Variants in GRID1 observed in about 807,000 individuals in gnomAD.
GRID1 encodes glutamate ionotropic receptor delta type subunit 1.
Under a neutral mutation model 98.0 loss-of-function variants are expected in GRID1, and 28 were observed. That is an observed-to-expected ratio of 0.29 (90% CI 0.21 to 0.39). GRID1 has a LOEUF of 0.39. Among genes scored for constraint, GRID1 ranks in the 10% least tolerant of loss-of-function variants. GRID1 has a pLI of 1.00. For missense variants in GRID1, 1,111 were observed against 1,340.5 expected, an observed-to-expected ratio of 0.83 and a Z score of 2.67; for synonymous variants, 553 against 538.5, an observed-to-expected ratio of 1.03 and a Z score of -0.37.
intron 3 of GRID1, among the ~76,000 whole-genome samples, chr10:86,165,722 A>G (rs1845389209): frequency 6.6e-6 from 1 of 152,130 alleles, no homozygotes; most frequent in Non-Finnish European, 1.5e-5. Flanking sequence ...CTGTTTTCCC[A>G]AATTTTAAGT....
rs1015572069 is a variant in GRID1, at chr10:86,365,934, G to A, written c.79+380C>T. 2.0e-5 allele frequency among the ~76,000 whole-genome samples: 3 copies of A among 149,398 alleles called. No homozygotes were observed. Among genetic ancestry groups the A allele is most frequent in the Non-Finnish European group, 4.5e-5 (3 of 67,134 alleles). Reference sequence around the variant, plus strand: ...TTTGATCTTGCCCTGCCAACTTGGCGAGCCCCCCGCTGTACCTCCCCCTGC... The same window carrying A: ...TTTGATCTTGCCCTGCCAACTTGGCAAGCCCCCCGCTGTACCTCCCCCTGC... On this transcript the variant is annotated intron_variant, in intron 1 of 15. Transcript: ENST00000327946. The surrounding 1 kb of genome is among the most constrained non-coding windows in gnomAD (Gnocchi z 4.8).
At position 85,781,981 on chromosome 10, in the gene GRID1, A is replaced by T. The variant is rs552209217; in HGVS notation, c.1234-52367T>A. 5.9e-5 allele frequency among the ~76,000 whole-genome samples: 9 copies of T among 152,340 alleles called. No homozygotes were observed. In the South Asian group the frequency reaches 1.9e-3, roughly 32 times the overall value. On this transcript the variant is annotated intron_variant, in intron 8 of 15. Transcript: ENST00000327946. ...GGCCAGGAATTCTCAACAGTTTAAC[A>T]TTGGTTTGATCTATTTTTGTTAGTC... is the stretch of plus-strand genomic sequence containing the variant.
chr10:85,894,484 T>C (rs1841254189), intron 5 of GRID1, among the ~76,000 whole-genome samples: 1 of 152,050 alleles, frequency 6.6e-6, no homozygotes, highest in African/African-American at 2.4e-5. Context: ...TGAGATTAGG[T>C]AGAGGTAGAA....
chr10:86,331,449 G>C (rs941997926), intron 2 of GRID1, among the ~76,000 whole-genome samples: 1 of 152,196 alleles, frequency 6.6e-6, no homozygotes, highest in African/African-American at 2.4e-5. Context: ...ATGTGGGCTT[G>C]GTAGCAATTG....
chr10:86,121,986 A>G (rs563014349), intron 4 of GRID1, among the ~76,000 whole-genome samples: 13 of 152,244 alleles, frequency 8.5e-5, no homozygotes, highest in South Asian at 2.1e-4. Flanking sequence ...CCGGGCCCCA[A>G]ATACAACCCT....
chr10:86,062,967 G>A (rs1009197126), intron 4 of GRID1, among the ~76,000 whole-genome samples: 1 of 152,212 alleles, frequency 6.6e-6, no homozygotes, highest in African/African-American at 2.4e-5. Flanking sequence ...TCTTCAGGGT[G>A]GTGGGTCCTA....
intron 4 of GRID1, among the ~76,000 whole-genome samples, chr10:86,069,532 C>T (rs1843769928): frequency 6.6e-6 from 1 of 152,134 alleles, no homozygotes; most frequent in Non-Finnish European, 1.5e-5. Context: ...CCTGTAGTTC[C>T]AGCTACTCAG....
intron 4 of GRID1, among the ~76,000 whole-genome samples, chr10:85,967,712 A>T (rs1842355418): frequency 6.6e-6 from 1 of 152,224 alleles, no homozygotes; most frequent in Admixed American, 6.5e-5. Flanking sequence ...AAGAAGGAGA[A>T]CTCAGGGAGA....
intron 6 of GRID1, among the ~76,000 whole-genome samples, chr10:85,866,112 T>C (rs1423942798): frequency 2.7e-5 from 4 of 150,278 alleles, no homozygotes; most frequent in Non-Finnish European, 4.4e-5. Flanking sequence ...TATAAAGAAC[T>C]ACATGAGCCT....
chr10:85,679,127 T>C (rs1420965302), intron 12 of GRID1, among the ~76,000 whole-genome samples: 2 of 152,154 alleles, frequency 1.3e-5, no homozygotes, highest in African/African-American at 4.8e-5. Context: ...TTCTCAGTGG[T>C]GGTGGGAGGC....
intron 8 of GRID1, among the ~76,000 whole-genome samples, chr10:85,743,108 C>CCG (rs1011190157): frequency 1.6e-5 from 2 of 125,206 alleles, no homozygotes; most frequent in African/African-American, 5.5e-5. Flanking sequence ...TTATGCAGCC[C>CCG]CCCCCCCCAC....
chr10:86,071,390 C>T (rs1432046460), intron 4 of GRID1, among the ~76,000 whole-genome samples: 1 of 152,208 alleles, frequency 6.6e-6, no homozygotes. Flanking sequence ...GTTATAGAAG[C>T]TCGGCAAGTT....
chr10:85,776,315 A>G (rs1459877489), intron 8 of GRID1, among the ~76,000 whole-genome samples: 2 of 152,216 alleles, frequency 1.3e-5, no homozygotes, highest in African/African-American at 4.8e-5. Flanking sequence ...TTTATAAGGG[A>G]CAGAAGTGAG....
chr10:86,126,399 G>A (rs1043119151), intron 4 of GRID1, among the ~76,000 whole-genome samples: 1 of 152,194 alleles, frequency 6.6e-6, no homozygotes, highest in Non-Finnish European at 1.5e-5. Flanking sequence ...AGGTTGCAGC[G>A]AGCTGAGATC....
At chr10:86,157,183 G>T (rs1025703887) in intron 3 of GRID1, among the ~76,000 whole-genome samples, 3 of 152,160 alleles carry the variant, frequency 2.0e-5, no homozygotes, top group Admixed American at 2.0e-4. Flanking sequence ...TGTTTACTGT[G>T]AGGTATTAAA....
rs1223555561 is a variant in GRID1, at chr10:86,363,154, G to GA, written c.235+786dup. ...GGACTAGCAGAGAGGAGGGAAAGCA[G>GA]AGGGGGTTGCTGTCGTGAACGCCCT... On this transcript the variant is annotated intron_variant, in intron 2 of 15. Coordinates refer to ENST00000327946, the MANE Select transcript of GRID1 (RefSeq NM_017551.3). Among the ~76,000 whole-genome samples, 10 of 152,378 alleles carry GA rather than the reference G, an allele frequency of 6.6e-5. No homozygotes were observed. In the South Asian group the frequency reaches 1.7e-3, roughly 25 times the overall value.
intron 13 of GRID1, chr10:85,646,918 T>C: frequency 2.2e-6 from 1 of 455,706 alleles, no homozygotes; most frequent in Non-Finnish European, 4.0e-6. Flanking sequence ...GACAGGCCTC[T>C]CTGTGTCACC....
At chr10:85,603,961 C>T (rs920808004) in intron 15 of GRID1, among the ~76,000 whole-genome samples, 1 of 152,170 alleles carries the variant, frequency 6.6e-6, no homozygotes, top group East Asian at 1.9e-4. Flanking sequence ...AAGAAGGAAT[C>T]ACATGAATCT....
intron 4 of GRID1, among the ~76,000 whole-genome samples, chr10:85,978,570 GAA>G (rs1295799040): frequency 6.6e-5 from 10 of 151,794 alleles, no homozygotes; most frequent in African/African-American, 2.4e-4. Context: ...CCTAAATTCT[GAA>G]AGAGGTTCCT....
Sources: gnomAD v4.1 joint callset for allele counts (sites outside exome capture counted in the v4.1 genomes callset) on GRCh38, gnomAD v4.1.1 for gene constraint, Gnocchi (gnomAD v3.1) non-coding constraint, MANE v1.5 for transcripts, NCBI Gene and HGNC (gene_info 2026-07-23, HGNC 2026-07-21) for gene names.